DNM3: variants seen among roughly 807,000 people sequenced by gnomAD.
DNM3 encodes dynamin-3.
DNM3 carries 47 observed loss-of-function variants against 101.6 expected under a neutral mutation model. That is an observed-to-expected ratio of 0.46 (90% CI 0.37 to 0.59). The LOEUF is 0.59. DNM3 is among the 20% of genes least tolerant of loss of function. DNM3 has a pLI of 0.00. For missense variants in DNM3, 849 were observed against 1,085.7 expected, an observed-to-expected ratio of 0.78 and a Z score of 3.06; for synonymous variants, 385 against 387.9, an observed-to-expected ratio of 0.99 and a Z score of 0.09.
chr1:171,948,004 G>A (rs995621053), intron 2 of DNM3, among the ~76,000 whole-genome samples: 6 of 152,178 alleles, frequency 3.9e-5, no homozygotes, highest in Non-Finnish European at 5.9e-5. Flanking sequence ...GCTTTTTCAA[G>A]CTCTTAAAAT....
At chr1:172,405,367 G>C (rs546122091) in intron 20 of DNM3, among the ~76,000 whole-genome samples, 2 of 152,122 alleles carry the variant, frequency 1.3e-5, no homozygotes, top group East Asian at 3.9e-4. Context: ...AGGGTTACGT[G>C]CTACGAGAGA....
chr1:172,302,204 C>T (rs907647473), intron 15 of DNM3, among the ~76,000 whole-genome samples: 4 of 152,246 alleles, frequency 2.6e-5, no homozygotes, highest in African/African-American at 7.2e-5. Context: ...GCAAATGGCA[C>T]ACCAGGAGAT....
chr1:172,183,447 G>A (rs189210465), intron 14 of DNM3, among the ~76,000 whole-genome samples: 1 of 152,030 alleles, frequency 6.6e-6, no homozygotes, highest in Non-Finnish European at 1.5e-5. Flanking sequence ...ACCAGTATAA[G>A]GAAAATACAG....
chr1:172,031,542 C>T (rs1280000312), intron 4 of DNM3, among the ~76,000 whole-genome samples: 1 of 152,170 alleles, frequency 6.6e-6, no homozygotes, highest in African/African-American at 2.4e-5. Flanking sequence ...ACATTCTGCA[C>T]TTGTATCCTG....
rs2071054139 is a variant in DNM3 at position 172,408,720 on chromosome 1, C to A, written c.*879C>A. ...ATAGCTAACTACACTTTGATACTAA[C>A]TCCAGTTTTACTATTATTATTTTGG... On this transcript the variant is annotated 3_prime_UTR_variant, in exon 21 of 21. Coordinates refer to ENST00000627582, the MANE Select transcript of DNM3 (RefSeq NM_015569.5). 1 of 984,408 alleles carries A rather than the reference C, an allele frequency of 1.0e-6. No individual in the cohort carries two copies. The highest frequency in any genetic ancestry group is 1.2e-6 in the Non-Finnish European group (1 of 829,188). 61.0% of individuals were successfully genotyped at this position (984,408 alleles called of 1,614,324 possible). A position where few individuals can be genotyped will look rare whatever the true frequency, so the allele number is the denominator to read the frequency against.
chr1:172,203,123 G>C (rs1338734816), intron 14 of DNM3, among the ~76,000 whole-genome samples: 1 of 152,084 alleles, frequency 6.6e-6, no homozygotes, highest in Non-Finnish European at 1.5e-5. Context: ...TTAGTCTTTG[G>C]CTGTAATTAA....
At chr1:172,008,133 T>C (rs2046820089) in intron 4 of DNM3, among the ~76,000 whole-genome samples, 1 of 66,110 alleles carries the variant, frequency 1.5e-5, no homozygotes, top group Non-Finnish European at 2.5e-5. Context: ...AGTTTGCAAA[T>C]TTTTTTTTTC....
At chr1:171,959,938 G>C (rs1302376022) in intron 2 of DNM3, among the ~76,000 whole-genome samples, 1 of 152,092 alleles carries the variant, frequency 6.6e-6, no homozygotes, top group African/African-American at 2.4e-5. Context: ...AGGGGGTAGA[G>C]GAATCTTTGT....
chr1:172,415,741 G>C (rs986116206), downstream of DNM3, among the ~76,000 whole-genome samples: 1 of 151,936 alleles, frequency 6.6e-6, no homozygotes, highest in Non-Finnish European at 1.5e-5. Context: ...CATTGGCCAG[G>C]CTGGTCTCGA....
intron 2 of DNM3, among the ~76,000 whole-genome samples, chr1:171,929,091 G>C (rs993173068): frequency 1.3e-5 from 2 of 152,188 alleles, no homozygotes; most frequent in Admixed American, 1.3e-4. Context: ...TTAGAAAAGC[G>C]GTCTGGCTAT....
At chr1:172,044,877 T>C (rs2049655682) in intron 9 of DNM3, among the ~76,000 whole-genome samples, 1 of 152,060 alleles carries the variant, frequency 6.6e-6, no homozygotes, top group African/African-American at 2.4e-5. Flanking sequence ...TCCTTTCCTG[T>C]GGGGAGGATG....
chr1:172,343,211 C>T (rs987913122), intron 17 of DNM3, among the ~76,000 whole-genome samples: 1 of 152,124 alleles, frequency 6.6e-6, no homozygotes, highest in Non-Finnish European at 1.5e-5. Context: ...AATAGAGAAG[C>T]TTTAACTATT....
At chr1:172,310,935 T>A (rs987905355) in intron 16 of DNM3, 14 of 152,220 alleles carry the variant, frequency 9.2e-5, no homozygotes, top group Admixed American at 2.6e-4. Context: ...GGCTGTTGTG[T>A]CACACCACTT....
At chr1:171,905,023 C>T (rs942742944) in intron 1 of DNM3, among the ~76,000 whole-genome samples, 12 of 152,142 alleles carry the variant, frequency 7.9e-5, no homozygotes, top group African/African-American at 2.9e-4. Context: ...AGCTCTTAGG[C>T]ATATCTGATA....
At chr1:172,058,647 G>C (rs1268561785) in intron 10 of DNM3, among the ~76,000 whole-genome samples, 1 of 152,108 alleles carries the variant, frequency 6.6e-6, no homozygotes, top group Non-Finnish European at 1.5e-5. Flanking sequence ...TTGAAACCAA[G>C]GAGGACAAAG....
intron 17 of DNM3, among the ~76,000 whole-genome samples, chr1:172,373,062 T>C (rs181515427): frequency 6.6e-6 from 1 of 152,146 alleles, no homozygotes; most frequent in African/African-American, 2.4e-5. Context: ...GCATTATGTC[T>C]ATTCTAAAAG....
At chr1:171,867,482 G>A (rs972708078) in intron 1 of DNM3, among the ~76,000 whole-genome samples, 1 of 152,188 alleles carries the variant, frequency 6.6e-6, no homozygotes, top group African/African-American at 2.4e-5. Context: ...TCTGCTAATA[G>A]CCAAGTGGCA....
At position 172,282,062 on chromosome 1, in the gene DNM3, A is replaced by G. The variant is rs147249767; in HGVS notation, c.1770-26666A>G. Reference sequence around the variant, plus strand: ...CCCACCTGTAGGCAAGACCATATCTAAAATACATTAGCAAGATGAAAAGCT... The same window carrying G: ...CCCACCTGTAGGCAAGACCATATCTGAAATACATTAGCAAGATGAAAAGCT... On this transcript the variant is annotated intron_variant, in intron 15 of 20. Coordinates refer to ENST00000627582, the MANE Select transcript of DNM3 (RefSeq NM_015569.5). Among the ~76,000 whole-genome samples, 347 of 152,340 alleles carry G rather than the reference A, an allele frequency of 2.3e-3. 1 individual carries two copies. Among genetic ancestry groups the G allele is most frequent in the African/African-American group, 7.9e-3 (329 of 41,574 alleles).
rs376245976 is a variant in DNM3, at chr1:172,183,767, A to ATTTT, written c.1659+52506_1659+52509dup. 8.1e-3 allele frequency among the ~76,000 whole-genome samples: 509 copies of ATTTT among 62,628 alleles called. 25 individuals are homozygous for ATTTT. Among genetic ancestry groups the ATTTT allele is most frequent in the African/African-American group, 0.011 (191 of 17,842 alleles). 41.1% of individuals were successfully genotyped at this position (62,628 alleles called of 152,430 possible). A position where few individuals can be genotyped will look rare whatever the true frequency, so the allele number is the denominator to read the frequency against. On this transcript the variant is annotated intron_variant, in intron 14 of 20. Transcript: ENST00000627582. ...AGGGTTGCACCACCATGCCCAGCTA[A>ATTTT]TTTTTTTTTTTTTTTTTTTTTTTTT...
Sources: allele counts gnomAD v4.1 joint callset (sites outside exome capture counted in the v4.1 genomes callset), GRCh38; gene constraint gnomAD v4.1.1; transcripts MANE v1.5; gene names NCBI Gene and HGNC (gene_info 2026-07-23, HGNC 2026-07-21).